The following TENM3 variants were observed in gnomAD, a reference collection of about 807,000 sequenced individuals.
The protein encoded by TENM3 is teneurin-3.
TENM3 carries 63 observed loss-of-function variants against 255.1 expected under a neutral mutation model. The observed-to-expected ratio is 0.25, with a 90% confidence interval of 0.20 to 0.30. The LOEUF is 0.30. TENM3 is among the 10% of genes least tolerant of loss of function. The pLI is 1.00. For missense variants in TENM3, 2,929 were observed against 3,461.1 expected (o/e 0.85, Z 3.86); for synonymous variants, 1,306 against 1,322.3 (o/e 0.99, Z 0.27).
chr4:182,191,755 A>G (rs566410158), intron 1 of TENM3, among the ~76,000 whole-genome samples: 2 of 152,314 alleles, frequency 1.3e-5, no homozygotes, highest in East Asian at 3.9e-4. Flanking sequence ...TATCAGCCAG[A>G]GATCTAAAGC....
At chr4:182,780,380 A>G (rs1473211486) in intron 24 of TENM3, among the ~76,000 whole-genome samples, 1 of 112,094 alleles carries the variant, frequency 8.9e-6, no homozygotes, top group Admixed American at 1.0e-4. Flanking sequence ...ATGCGGCGTT[A>G]TTTCTGAGGG....
the TENM3 span, among the ~76,000 whole-genome samples, chr4:181,889,621 TATAAA>T: frequency 1.1e-4 from 16 of 152,070 alleles, no homozygotes; most frequent in African/African-American, 3.1e-4. Context: ...GGGCAATAAT[TATAAA>T]ATAATCCTCA....
intron 1 of TENM3, among the ~76,000 whole-genome samples, chr4:182,216,290 G>A (rs1277183430): frequency 6.6e-6 from 1 of 152,352 alleles, no homozygotes; most frequent in Non-Finnish European, 1.5e-5. Context: ...TACTGCACAT[G>A]TGTGAAAGAT....
chr4:181,865,609 C>G, the TENM3 span, among the ~76,000 whole-genome samples: 9 of 152,330 alleles, frequency 5.9e-5, no homozygotes, highest in East Asian at 1.4e-3. Context: ...GCACTTTCGT[C>G]GTTGACAACA....
intron 22 of TENM3, among the ~76,000 whole-genome samples, chr4:182,761,376 G>A (rs1299807139): frequency 1.3e-5 from 2 of 151,984 alleles, no homozygotes; most frequent in Non-Finnish European, 1.5e-5. Flanking sequence ...CCAAGATCAC[G>A]CCACTGCACT....
At chr4:182,098,187 A>C in the TENM3 span, among the ~76,000 whole-genome samples, 2 of 152,368 alleles carry the variant, frequency 1.3e-5, no homozygotes, top group East Asian at 3.9e-4. Context: ...ATAATAACAG[A>C]TGCTGGGGAG....
chr4:181,514,613 G>A, the TENM3 span, among the ~76,000 whole-genome samples: 7 of 152,250 alleles, frequency 4.6e-5, no homozygotes, highest in Middle Eastern at 3.4e-3. Flanking sequence ...TTGAGGCAGT[G>A]TGCGAAGGTG....
the TENM3 span, among the ~76,000 whole-genome samples, chr4:182,104,655 G>A: frequency 6.6e-6 from 1 of 151,804 alleles, no homozygotes; most frequent in African/African-American, 2.4e-5. Context: ...GGGATTACTG[G>A]CACCTGTCAC....
chr4:182,564,501 A>G (rs1430831118), intron 3 of TENM3, among the ~76,000 whole-genome samples: 2 of 151,100 alleles, frequency 1.3e-5, no homozygotes, highest in African/African-American at 2.4e-5. Context: ...TTTCACCTCA[A>G]TTATTCTCTT....
intron 3 of TENM3, among the ~76,000 whole-genome samples, chr4:182,421,850 T>A (rs777056647): frequency 6.6e-6 from 1 of 152,184 alleles, no homozygotes; most frequent in South Asian, 2.1e-4. Flanking sequence ...AACCATGACC[T>A]CAGGGGCTGA....
intron 3 of TENM3, among the ~76,000 whole-genome samples, chr4:182,389,965 G>C (rs981341677): frequency 6.6e-6 from 1 of 152,162 alleles, no homozygotes; most frequent in African/African-American, 2.4e-5. Flanking sequence ...GATTACAGGC[G>C]TGAGCCACCG....
the TENM3 span, among the ~76,000 whole-genome samples, chr4:181,955,587 G>A: frequency 2.6e-5 from 4 of 152,142 alleles, no homozygotes; most frequent in Non-Finnish European, 5.9e-5. Context: ...ATGGTCTGAT[G>A]GCAATCTAGC....
At chr4:182,209,151 A>G (rs1754801063) in intron 1 of TENM3, among the ~76,000 whole-genome samples, 1 of 151,754 alleles carries the variant, frequency 6.6e-6, no homozygotes, top group African/African-American at 2.4e-5. Flanking sequence ...TATTTTTAGT[A>G]GCAACGGGGT....
chr4:182,079,437 A>G, the TENM3 span, among the ~76,000 whole-genome samples: 90 of 152,180 alleles, frequency 5.9e-4, no homozygotes, highest in Non-Finnish European at 1.1e-3. Flanking sequence ...AATGGCGTGA[A>G]CCCAGGAGGC....
chr4:181,956,489 A>C, the TENM3 span, among the ~76,000 whole-genome samples: 1 of 151,952 alleles, frequency 6.6e-6, no homozygotes, highest in Non-Finnish European at 1.5e-5. Context: ...GTTCACTGCT[A>C]TATTCCAAGT....
At chr4:182,333,913 C>T (rs564788557) in intron 2 of TENM3, among the ~76,000 whole-genome samples, 31 of 151,494 alleles carry the variant, frequency 2.0e-4, no homozygotes, top group African/African-American at 6.8e-4. Flanking sequence ...TATAGTATAA[C>T]GGTTGAGAGT....
the TENM3 span, among the ~76,000 whole-genome samples, chr4:181,869,009 A>AG: frequency 6.6e-6 from 1 of 152,122 alleles, no homozygotes; most frequent in East Asian, 1.9e-4. Flanking sequence ...TTCCAAAAAA[A>AG]AAAACTGTTG....
Position 182,773,635 on chromosome 4 carries a change from A to G in TENM3, c.5056A>G (p.Thr1686Ala). ...SNLSSIDSFY[T>A]MVQDQLRNSY... The stretch of plus-strand genomic sequence containing the variant: ...TCTGTCCTCGATCGATTCTTTCTAC[A>G]CCATGGTTCAAGGTAAACACGAAAG... The change falls in exon 23 of 28, where the codon ACC becomes GCC. Residue 1686 changes from threonine to alanine, a missense_variant. Around this residue, in one of 6 missense-constraint regions of TENM3, gnomAD observed 1,608 missense variants for 1,884.4 expected, o/e 0.85. Transcript: ENST00000511685. The G allele has an allele frequency of 2.5e-6, 4 of 1,612,226 alleles. No individual in the cohort carries two copies. The highest frequency in any genetic ancestry group is 3.4e-6 in the Non-Finnish European group (4 of 1,179,150).
the TENM3 span, among the ~76,000 whole-genome samples, chr4:181,501,384 G>GT: frequency 2.5e-3 from 362 of 143,248 alleles, 3 homozygotes; most frequent in South Asian, 1.0e-2. Context: ...TTCCTTTTTT[G>GT]TTTTTTTTTT....
Sources: allele counts gnomAD v4.1 joint callset (sites outside exome capture counted in the v4.1 genomes callset), GRCh38; gene constraint gnomAD v4.1.1; regional missense constraint gnomAD v4.1.1; transcripts MANE v1.5; gene names NCBI Gene and HGNC (gene_info 2026-07-23, HGNC 2026-07-21).